The following CEP85L variants were observed in gnomAD, a reference collection of about 807,000 sequenced individuals.
CEP85L encodes centrosomal protein of 85 kDa-like.
In CEP85L, 60 loss-of-function variants were observed where a neutral mutation model predicts 100.3. The observed-to-expected ratio is 0.60, with a 90% CI of 0.49 to 0.74. The LOEUF (loss-of-function observed/expected upper bound fraction) is 0.74, where lower values mean the gene tolerates loss of function less well. Ranked by LOEUF, CEP85L falls within the 30% of genes least tolerant of loss-of-function variation. CEP85L has a pLI of 0.00. For missense variants in CEP85L, 973 were observed against 936.2 expected (o/e 1.04, Z -0.51); for synonymous variants, 319 against 322.7 (o/e 0.99, Z 0.12).
At position 118,523,834 on chromosome 6, in the gene CEP85L, T is replaced by G. The variant is rs1384151177; in HGVS notation, c.1107A>C (p.Gly369=). ...KWESMLKIKE[G]LLRQKEIVID... ...TTACAATTTCTTTCTGCCTTAGAAG[T>G]CCTTCTTTTATTTTCAACATTGATT... Residue 369 remains glycine (G), a synonymous_variant, in exon 4 of 13, where the codon GGA becomes GGC. Transcript: ENST00000368491. The G allele has an allele frequency of 1.3e-6, 2 of 1,590,636 alleles. No individual in the cohort carries two copies. Among genetic ancestry groups the G allele is most frequent in the Non-Finnish European group, 1.7e-6 (2 of 1,159,664 alleles).
upstream of CEP85L, among the ~76,000 whole-genome samples, chr6:118,654,114 A>ATT (rs1775690216): frequency 6.6e-6 from 1 of 152,184 alleles, no homozygotes; most frequent in Non-Finnish European, 1.5e-5. Flanking sequence ...AATAAAAGTG[A>ATT]TATTTTTAAA....
At chr6:118,504,932 G>A (rs2114684833) in intron 5 of CEP85L, among the ~76,000 whole-genome samples, 2 of 152,062 alleles carry the variant, frequency 1.3e-5, no homozygotes, top group East Asian at 3.9e-4. Context: ...GTGGAGAGTA[G>A]AGTGGGAAAA....
intron 2 of CEP85L, among the ~76,000 whole-genome samples, chr6:118,630,094 T>C (rs1774046817): frequency 1.3e-5 from 2 of 152,222 alleles, no homozygotes; most frequent in South Asian, 4.1e-4. Flanking sequence ...ACCTTTTACA[T>C]ATAGAACCTA....
At chr6:118,631,301 A>G (rs1372157689) in intron 2 of CEP85L, among the ~76,000 whole-genome samples, 1 of 152,196 alleles carries the variant, frequency 6.6e-6, no homozygotes, top group Non-Finnish European at 1.5e-5. Context: ...TACTATCAAA[A>G]TGGCTAAATT....
upstream of CEP85L, chr6:118,651,835 G>A: frequency 6.1e-6 from 6 of 985,580 alleles, no homozygotes; most frequent in Non-Finnish European, 7.2e-6. Flanking sequence ...AGAGGGCAGC[G>A]ACTTGGCCTA....
chr6:118,584,849 G>A (rs188562157), intron 2 of CEP85L, among the ~76,000 whole-genome samples: 1 of 152,336 alleles, frequency 6.6e-6, no homozygotes, highest in East Asian at 1.9e-4. Flanking sequence ...ACAGATAGCT[G>A]ACTTCTTAAA....
At chr6:118,556,729 C>T (rs1215338082) in intron 3 of CEP85L, among the ~76,000 whole-genome samples, 1 of 152,174 alleles carries the variant, frequency 6.6e-6, no homozygotes, top group Non-Finnish European at 1.5e-5. Context: ...CAAATGTTAA[C>T]AGTCACTATG....
At chr6:118,660,882 T>C (rs916691165) in intron 1 of CEP85L, among the ~76,000 whole-genome samples, 2 of 73,598 alleles carry the variant, frequency 2.7e-5, no homozygotes, top group Non-Finnish European at 6.7e-5. Context: ...ATTTTCTTTT[T>C]TTCTTTTTTT....
intron 3 of CEP85L, among the ~76,000 whole-genome samples, chr6:118,529,137 ATTC>A (rs1562233114): frequency 1.3e-5 from 2 of 152,336 alleles, no homozygotes; most frequent in East Asian, 3.9e-4. Context: ...GTTCAAATTG[ATTC>A]TTCCTCACAT....
In CEP85L at chr6:118,651,214, G is replaced by T; in HGVS notation, c.56C>A (p.Ala19Asp). 6.7e-7 allele frequency: 1 copy of T among 1,496,514 alleles called. No individual in the cohort carries two copies. The highest frequency in any genetic ancestry group is 1.5e-5 in the African/African-American group (1 of 68,954). 92.7% of individuals were successfully genotyped at this position (1,496,514 alleles called of 1,614,324 possible). The part of the protein sequence containing the change: ...EASGRDSPGG[A>D]RSFPAGPDYS... ...TTCCTTACCGGCAGGGAAGCTGCGG[G>T]CTCCGCCGGGGCTATCCCGGCCGCT... Residue 19 changes from alanine (A) to aspartate (D), a missense_variant, in exon 1 of 13, where the codon GCC becomes GAC. Coordinates refer to ENST00000368491, the MANE Select transcript of CEP85L (RefSeq NM_001042475.3).
At chr6:118,680,876 A>C (rs78098197) in intron 1 of CEP85L, among the ~76,000 whole-genome samples, 1 of 44,708 alleles carries the variant, frequency 2.2e-5, no homozygotes, top group Non-Finnish European at 4.7e-5. Flanking sequence ...ACCTTGTGTC[A>C]AAAAAAAAAA....
chr6:118,484,245 G>A (rs1305559250), intron 6 of CEP85L, among the ~76,000 whole-genome samples: 1 of 152,226 alleles, frequency 6.6e-6, no homozygotes, highest in African/African-American at 2.4e-5. Flanking sequence ...GAACTGGGGT[G>A]GCTGAGGTTG....
intron 12 of CEP85L, among the ~76,000 whole-genome samples, chr6:118,468,426 A>G (rs901704838): frequency 1.3e-5 from 2 of 152,182 alleles, no homozygotes; most frequent in African/African-American, 4.8e-5. Context: ...TAACATCCTG[A>G]TTTGGAACCA....
chr6:118,514,801 G>A (rs140027948), intron 4 of CEP85L, among the ~76,000 whole-genome samples: 7 of 151,524 alleles, frequency 4.6e-5, no homozygotes, highest in Non-Finnish European at 1.0e-4. Context: ...AGTAGAAGCA[G>A]ATTTTTTTTT....
At chr6:118,639,407 A>G (rs1385018911) in intron 1 of CEP85L, among the ~76,000 whole-genome samples, 2 of 152,138 alleles carry the variant, frequency 1.3e-5, no homozygotes, top group Non-Finnish European at 2.9e-5. Context: ...TTCTTCACCA[A>G]TTGTCAGCTT....
intron 2 of CEP85L, among the ~76,000 whole-genome samples, chr6:118,585,597 C>T (rs766804765): frequency 1.4e-4 from 22 of 152,154 alleles, no homozygotes; most frequent in Non-Finnish European, 3.1e-4. Context: ...CTCAGGATGG[C>T]TACAGTCACA....
intron 3 of CEP85L, among the ~76,000 whole-genome samples, chr6:118,536,557 G>C (rs1385109829): frequency 6.6e-6 from 1 of 152,138 alleles, no homozygotes; most frequent in African/African-American, 2.4e-5. Context: ...GGCCTCATCT[G>C]CTAGAAGAGA....
At chr6:118,611,806 C>T (rs1042311508) in intron 2 of CEP85L, among the ~76,000 whole-genome samples, 8 of 152,064 alleles carry the variant, frequency 5.3e-5, no homozygotes, top group African/African-American at 1.9e-4. Context: ...GAAGTAATAG[C>T]AATTCTAAAT....
At chr6:118,610,246 T>A (rs953932992) in intron 2 of CEP85L, among the ~76,000 whole-genome samples, 1 of 152,080 alleles carries the variant, frequency 6.6e-6, no homozygotes, top group African/African-American at 2.4e-5. Flanking sequence ...ACCAAATTAA[T>A]AATACTAATT....
Sources: allele counts gnomAD v4.1 joint callset (sites outside exome capture counted in the v4.1 genomes callset), GRCh38; gene constraint gnomAD v4.1.1; transcripts MANE v1.5; gene names NCBI Gene and HGNC (gene_info 2026-07-23, HGNC 2026-07-21).